RGS6: variants seen among roughly 807,000 people sequenced by gnomAD.
RGS6 encodes regulator of G protein signaling 6, also known as regulator of G-protein signaling 6.
RGS6 carries 30 observed loss-of-function variants against 78.5 expected under a neutral mutation model. The ratio of observed to expected loss-of-function variants is 0.38; its 90% CI spans 0.29 to 0.52. RGS6 has a LOEUF of 0.52. Ranked by LOEUF, RGS6 falls within the 20% of genes least tolerant of loss-of-function variation. The pLI is 0.85. For missense variants in RGS6, 495 were observed against 609.7 expected, an observed-to-expected ratio of 0.81 and a Z score of 1.98; for synonymous variants, 206 against 206.0, an observed-to-expected ratio of 1.00 and a Z score of 0.00.
intron 2 of RGS6, among the ~76,000 whole-genome samples, chr14:72,184,162 CCTT>C (rs941120030): frequency 5.9e-5 from 9 of 152,058 alleles, no homozygotes; most frequent in East Asian, 3.9e-4. Context: ...TGTTATTTCT[CCTT>C]CTTGAAGCTT....
chr14:72,249,543 A>G (rs899581934), intron 2 of RGS6, among the ~76,000 whole-genome samples: 19 of 152,324 alleles, frequency 1.2e-4, no homozygotes, highest in Admixed American at 3.3e-4. Context: ...TCCTACAATC[A>G]TATGTTGGGA....
chr14:72,216,093 C>T (rs567570553), intron 2 of RGS6, among the ~76,000 whole-genome samples: 4 of 152,278 alleles, frequency 2.6e-5, no homozygotes, highest in East Asian at 3.9e-4. Flanking sequence ...AAAGATCTCA[C>T]GACAAACAGT....
intron 2 of RGS6, among the ~76,000 whole-genome samples, chr14:72,062,547 T>C (rs746968520): frequency 1.3e-5 from 2 of 152,188 alleles, no homozygotes; most frequent in African/African-American, 2.4e-5. Flanking sequence ...GCAAGTGTGG[T>C]GGTTGTGAGA....
intron 1 of RGS6, among the ~76,000 whole-genome samples, chr14:71,959,116 A>C (rs372256256): frequency 1.3e-5 from 2 of 152,298 alleles, no homozygotes; most frequent in East Asian, 1.9e-4. Flanking sequence ...GTCATTGAAC[A>C]TTTGAACTTC....
chr14:72,353,178 C>G (rs920591256), intron 3 of RGS6, among the ~76,000 whole-genome samples: 6 of 152,204 alleles, frequency 3.9e-5, no homozygotes, highest in African/African-American at 1.4e-4. Context: ...TATGAACCAG[C>G]AATCCCACTC....
chr14:72,037,041 ACT>A (rs951450640), intron 2 of RGS6, among the ~76,000 whole-genome samples: 1 of 152,154 alleles, frequency 6.6e-6, no homozygotes, highest in Non-Finnish European at 1.5e-5. Context: ...ACCAATCAGC[ACT>A]CTGTAAAAAC....
chr14:72,415,280 G>C (rs1398721286), intron 3 of RGS6, among the ~76,000 whole-genome samples: 1 of 152,166 alleles, frequency 6.6e-6, no homozygotes, highest in Non-Finnish European at 1.5e-5. Context: ...CTTGCAGTTT[G>C]ATCTCAGACT....
the RGS6 span, among the ~76,000 whole-genome samples, chr14:72,617,198 G>A: frequency 6.6e-6 from 1 of 152,212 alleles, no homozygotes; most frequent in Non-Finnish European, 1.5e-5. Context: ...TGAAGAGGAC[G>A]TGTGAAGTTG....
intron 1 of RGS6, among the ~76,000 whole-genome samples, chr14:71,950,279 A>G (rs1206163769): frequency 1.3e-5 from 2 of 152,210 alleles, no homozygotes; most frequent in Non-Finnish European, 2.9e-5. Context: ...AAGACTGCAC[A>G]TCTACAACCA....
intron 15 of RGS6, among the ~76,000 whole-genome samples, chr14:72,519,244 G>C (rs1046422450): frequency 6.6e-6 from 1 of 152,214 alleles, no homozygotes; most frequent in Admixed American, 6.5e-5. Flanking sequence ...ACCCTAACCA[G>C]CAGACTAAAT....
At chr14:72,315,976 G>A (rs112219200) in intron 2 of RGS6, among the ~76,000 whole-genome samples, 133 of 152,308 alleles carry the variant, frequency 8.7e-4, no homozygotes, top group Non-Finnish European at 1.6e-3. Flanking sequence ...TTGGCTTGGG[G>A]TAGCCCAAAT....
chr14:72,344,411 T>G (rs140690337), intron 2 of RGS6, among the ~76,000 whole-genome samples: 1 of 152,276 alleles, frequency 6.6e-6, no homozygotes, highest in African/African-American at 2.4e-5. Context: ...CCTTGAACAT[T>G]GTTGCTAAGG....
In RGS6 at chr14:72,562,588, GAGGGCAATGA is replaced by G; in HGVS notation, c.*127_*136del. ...TTGGTCACTGTGAAGGAGAAAGAGT[GAGGGCAATGA>G]AGGGCGATGGTGGGGAGACTCGGTG... is the stretch of plus-strand genomic sequence containing the variant. On this transcript the variant is annotated 3_prime_UTR_variant, in exon 18 of 18. Coordinates refer to ENST00000553525, the MANE Select transcript of RGS6 (RefSeq NM_001204424.2). 6.5e-7 allele frequency: 1 copy of G among 1,546,456 alleles called. No individual in the cohort carries two copies. The highest frequency in any genetic ancestry group is 8.7e-7 in the Non-Finnish European group (1 of 1,151,758).
At chr14:72,294,404 G>A (rs1453481748) in intron 2 of RGS6, among the ~76,000 whole-genome samples, 2 of 152,180 alleles carry the variant, frequency 1.3e-5, no homozygotes, top group Non-Finnish European at 2.9e-5. Context: ...CCCAAAGAAG[G>A]TGAGTTTATT....
At chr14:72,068,790 C>T (rs538574004) in intron 2 of RGS6, among the ~76,000 whole-genome samples, 4 of 150,750 alleles carry the variant, frequency 2.7e-5, no homozygotes, top group South Asian at 2.1e-4. Flanking sequence ...CCACTGCGCC[C>T]GGCCCACTCT....
At chr14:72,229,054 T>G (rs940011042) in intron 2 of RGS6, among the ~76,000 whole-genome samples, 2 of 147,236 alleles carry the variant, frequency 1.4e-5, no homozygotes, top group African/African-American at 2.5e-5. Context: ...AAACTCCTTG[T>G]TTCTGTCTTC....
At chr14:71,906,371 A>G in the RGS6 span, among the ~76,000 whole-genome samples, 2 of 152,250 alleles carry the variant, frequency 1.3e-5, no homozygotes, top group African/African-American at 4.8e-5. Flanking sequence ...ACCCCAAACC[A>G]AAGGACTGGT....
intron 3 of RGS6, among the ~76,000 whole-genome samples, chr14:72,452,472 G>C (rs1330185501): frequency 6.6e-6 from 1 of 152,296 alleles, no homozygotes; most frequent in Non-Finnish European, 1.5e-5. Context: ...ACCTGCCATG[G>C]ACCCAGAGAG....
At chr14:72,184,414 A>ACACACACACACAC (rs1567407695) in intron 2 of RGS6, among the ~76,000 whole-genome samples, 1 of 151,404 alleles carries the variant, frequency 6.6e-6, no homozygotes, top group African/African-American at 2.4e-5. Flanking sequence ...ACACACACAG[A>ACACACACACACAC]AAGAGGGAGA....
Sources: gnomAD v4.1 joint callset for allele counts (sites outside exome capture counted in the v4.1 genomes callset) on GRCh38, gnomAD v4.1.1 for gene constraint, MANE v1.5 for transcripts, NCBI Gene and HGNC (gene_info 2026-07-23, HGNC 2026-07-21) for gene names.